PHLDB2: variants seen among roughly 807,000 people sequenced by gnomAD.
PHLDB2 encodes the protein pleckstrin homology like domain family B member 2.
PHLDB2 carries 71 observed loss-of-function variants against 123.6 expected under a neutral mutation model. That is an observed-to-expected ratio of 0.57 (90% CI 0.47 to 0.70). The LOEUF (loss-of-function observed/expected upper bound fraction) is 0.70. Ranked by LOEUF, PHLDB2 falls within the 30% of genes least tolerant of loss-of-function variation. PHLDB2 has a pLI of 0.00. For synonymous variants in PHLDB2, 547 were observed against 541.6 expected (o/e 1.01, Z -0.14); for missense variants, 1,446 against 1,519.5 (o/e 0.95, Z 0.80).
At chr3:111,799,162 T>G (rs961454795) in intron 1 of PHLDB2, among the ~76,000 whole-genome samples, 1 of 152,190 alleles carries the variant, frequency 6.6e-6, no homozygotes, top group Non-Finnish European at 1.5e-5. Context: ...TACTTCCCAC[T>G]GGGTCCCTCC....
At chr3:111,834,381 T>A (rs1328710224) in intron 1 of PHLDB2, among the ~76,000 whole-genome samples, 1 of 144,914 alleles carries the variant, frequency 6.9e-6, no homozygotes, top group Non-Finnish European at 1.5e-5. Flanking sequence ...CATCTGATTT[T>A]TATATATATG....
chr3:111,924,210 G>T (rs1448704415), intron 5 of PHLDB2, among the ~76,000 whole-genome samples: 3 of 152,164 alleles, frequency 2.0e-5, no homozygotes, highest in Non-Finnish European at 4.4e-5. Flanking sequence ...AGCCCTCCTA[G>T]ACCTTTCCAG....
At chr3:111,938,734 C>T (rs78292166) in intron 6 of PHLDB2, among the ~76,000 whole-genome samples, 4,189 of 152,200 alleles carry the variant, frequency 0.028, 125 homozygotes, top group South Asian at 0.13. Context: ...TTAATCTCCA[C>T]ATTAGTCTTG....
chr3:111,797,188 A>G (rs1445980952), intron 1 of PHLDB2, among the ~76,000 whole-genome samples: 3 of 152,224 alleles, frequency 2.0e-5, no homozygotes, highest in African/African-American at 7.2e-5. Context: ...GCATTGCCAC[A>G]ATATGTCATT....
chr3:111,759,553 G>C lies in PHLDB2; in HGVS notation c.-49+26850G>C, dbSNP rs189410350. Among the ~76,000 whole-genome samples the C allele has an allele frequency of 2.6e-5, 4 of 152,050 alleles. No homozygotes were observed. The East Asian group carries it at 5.8e-4, about 22-fold the overall frequency. ...ACACATATGTATGTATGTATATCCCGTGTGTGTGTATGCATGCACAGTGAG... is the reference window on the plus strand; with the variant it reads ...ACACATATGTATGTATGTATATCCCCTGTGTGTGTATGCATGCACAGTGAG... On this transcript the variant is annotated intron_variant, in intron 1 of 17. Transcript: ENST00000393923.
At chr3:111,972,631 A>T (rs1292679506) in intron 16 of PHLDB2, among the ~76,000 whole-genome samples, 1 of 123,914 alleles carries the variant, frequency 8.1e-6, no homozygotes, top group Non-Finnish European at 1.9e-5. Context: ...TTGGGACTAA[A>T]TTATTCATTC....
At chr3:111,888,199 G>A (rs770084086) in intron 2 of PHLDB2, among the ~76,000 whole-genome samples, 3 of 151,950 alleles carry the variant, frequency 2.0e-5, no homozygotes, top group Non-Finnish European at 4.4e-5. Flanking sequence ...TTAAGGAAGG[G>A]CAACTTTCTC....
intron 6 of PHLDB2, among the ~76,000 whole-genome samples, chr3:111,934,267 A>G (rs1577122530): frequency 6.6e-6 from 1 of 152,256 alleles, no homozygotes; most frequent in East Asian, 1.9e-4. Context: ...CTCTTCACCA[A>G]TGCCTTGGCT....
chr3:111,795,650 T>A (rs2061121990), intron 1 of PHLDB2, among the ~76,000 whole-genome samples: 1 of 152,216 alleles, frequency 6.6e-6, no homozygotes, highest in South Asian at 2.1e-4. Flanking sequence ...TCCTTGGAGC[T>A]CCTCCTCCTT....
chr3:111,860,257 C>G (rs1934735040), intron 1 of PHLDB2, among the ~76,000 whole-genome samples: 1 of 152,124 alleles, frequency 6.6e-6, no homozygotes, highest in Non-Finnish European at 1.5e-5. Context: ...TCCCTCCCCG[C>G]AAATATTTGG....
chr3:111,835,252 A>G (rs2063346112), intron 1 of PHLDB2, among the ~76,000 whole-genome samples: 1 of 152,174 alleles, frequency 6.6e-6, no homozygotes, highest in Non-Finnish European at 1.5e-5. Flanking sequence ...CAGCTGTAGC[A>G]TCTAGAGCTG....
At chr3:111,889,509 C>G (rs1192150330) in intron 2 of PHLDB2, among the ~76,000 whole-genome samples, 1 of 151,918 alleles carries the variant, frequency 6.6e-6, no homozygotes, top group Non-Finnish European at 1.5e-5. Context: ...TGAGACCAGC[C>G]CGGGCAACAT....
Position 111,831,037 on chromosome 3 carries a change from G to GAAA in PHLDB2, c.-48-14784_-48-14783insAAA, listed in dbSNP as rs1559855428. On this transcript the variant is annotated intron_variant, in intron 1 of 17. Coordinates refer to the PHLDB2 transcript ENST00000393923. ...AGAAAGAAAGAAAGAAAGAAAGGAA[G>GAAA]GAAGGAAGAAAGAGAAAAGAGAGAG... Among the ~76,000 whole-genome samples the GAAA allele has an allele frequency of 6.3e-3, 356 of 56,698 alleles. 22 individuals are homozygous for GAAA. The highest frequency in any genetic ancestry group is 8.2e-3 in the Non-Finnish European group (209 of 25,502). 37.2% of individuals were successfully genotyped at this position (56,698 alleles called of 152,430 possible). A position where few individuals can be genotyped will look rare whatever the true frequency, so the allele number is the denominator to read the frequency against.
chr3:111,952,715 A>G lies in PHLDB2; in HGVS notation c.2772+3A>G. 6 of 1,607,174 alleles carry G rather than the reference A, an allele frequency of 3.7e-6. No homozygotes were observed. The highest frequency in any genetic ancestry group is 2.2e-5 in the East Asian group (1 of 44,858). On this transcript the variant is annotated splice_donor_region_variant and intron_variant, in intron 11 of 17. Transcript: ENST00000431670. ...TGGGGAGAAGCATCACCCCAAAGGTAGGACCTGGGAGAAACCACGGGCTTC... is the reference window on the plus strand; with the variant it reads ...TGGGGAGAAGCATCACCCCAAAGGTGGGACCTGGGAGAAACCACGGGCTTC...
chr3:111,858,156 G>A (rs533196308), upstream of PHLDB2, among the ~76,000 whole-genome samples: 89 of 152,268 alleles, frequency 5.8e-4, 1 homozygote, highest in Admixed American at 2.3e-3. Context: ...CCTTTGCAGG[G>A]ACGTGGATGA....
intron 1 of PHLDB2, among the ~76,000 whole-genome samples, chr3:111,812,657 C>T (rs1291460826): frequency 1.3e-5 from 2 of 152,186 alleles, no homozygotes; most frequent in African/African-American, 4.8e-5. Flanking sequence ...TTTATCCCAA[C>T]TGTTCAAAGC....
chr3:111,967,657 A>G, intron 14 of PHLDB2, 21 bp from the exon 15 acceptor site: 1 of 1,489,770 alleles, frequency 6.7e-7, no homozygotes, highest in South Asian at 1.2e-5. Context: ...TAAAATAATC[A>G]TTGTTATGCA....
chr3:111,958,687 T>C, intron 12 of PHLDB2: 1 of 455,758 alleles, frequency 2.2e-6, no homozygotes, highest in Non-Finnish European at 4.4e-6. Context: ...CAGCTATTTC[T>C]CTCTGGATAG....
At chr3:111,885,623 T>C in intron 2 of PHLDB2, 1 of 729,302 alleles carries the variant, frequency 1.4e-6, no homozygotes, top group Non-Finnish European at 2.4e-6. Context: ...CCTCCAGGAA[T>C]TAATGTTAAT....
Sources: allele counts gnomAD v4.1 joint callset (sites outside exome capture counted in the v4.1 genomes callset), GRCh38; gene constraint gnomAD v4.1.1; transcripts MANE v1.5; gene names NCBI Gene and HGNC (gene_info 2026-07-23, HGNC 2026-07-21).